The following ADAM12 variants were observed in gnomAD, a reference collection of about 807,000 sequenced individuals.
ADAM12 encodes the protein ADAM metallopeptidase domain 12.
A neutral mutation model predicts 106.4 loss-of-function variants in ADAM12; 70 were observed. The ratio of observed to expected loss-of-function variants is 0.66; its 90% confidence interval spans 0.54 to 0.80. ADAM12 has a LOEUF of 0.80. Ranked by LOEUF, ADAM12 falls within the 30% of genes least tolerant of loss-of-function variation. ADAM12 has a pLI of 0.00. For synonymous variants in ADAM12, 420 were observed against 433.5 expected (o/e 0.97, Z 0.39); for missense variants, 1,010 against 1,171.9 (o/e 0.86, Z 2.02).
intron 3 of ADAM12, among the ~76,000 whole-genome samples, chr10:126,263,625 G>A (rs1437286087): frequency 3.3e-5 from 5 of 152,104 alleles, no homozygotes; most frequent in Non-Finnish European, 7.4e-5. Context: ...GGAGGGGGGT[G>A]TATTTTACAC....
intron 3 of ADAM12, among the ~76,000 whole-genome samples, chr10:126,176,948 G>C (rs1957229591): frequency 6.6e-6 from 1 of 152,148 alleles, no homozygotes; most frequent in African/African-American, 2.4e-5. Flanking sequence ...ATTTGAAAAA[G>C]AGCTGCCCTG....
intron 8 of ADAM12, among the ~76,000 whole-genome samples, chr10:126,107,826 C>A (rs965145731): frequency 6.6e-6 from 1 of 152,140 alleles, no homozygotes; most frequent in South Asian, 2.1e-4. Context: ...CTCCAATATG[C>A]GGGGCTTGTG....
rs370437694 is a variant in ADAM12, at chr10:126,049,318, A to G, written c.1852T>C (p.Tyr618His). 4.2e-5 allele frequency: 67 copies of G among 1,614,112 alleles called. No individual in the cohort carries two copies. The highest frequency in any genetic ancestry group is 6.7e-5 in the African/African-American group (5 of 74,942). Residue 618 changes from tyrosine to histidine, a missense_variant, in exon 16 of 23, where the codon TAC becomes CAC. Physicochemically the swap from Tyr to His is moderately conservative, Grantham distance 83 (BLOSUM62 2). Around this residue, in one of 3 missense-constraint regions of ADAM12, gnomAD observed 615 missense variants for 708.5 expected, o/e 0.87. Transcript: ENST00000448723. The surrounding 1 kb of genome is among the most constrained non-coding windows in gnomAD (Gnocchi z 4.4). ...GGGTCCGGCATGTCATCGCCCAAGTACACGTGGGTCCCCCGGCACAGAATC... is the reference window on the plus strand; with the variant it reads ...GGGTCCGGCATGTCATCGCCCAAGTGCACGTGGGTCCCCCGGCACAGAATC... ...GRILCRGTHV[Y>H]LGDDMPDPGL...
rs117279891 is a variant in ADAM12 at position 126,354,176 on chromosome 10, G to T, written c.89-23667C>A. On this transcript the variant is annotated intron_variant, in intron 1 of 22. Transcript: ENST00000448723. ...TTTGGACAAGTAATTTGGCCTTCCA[G>T]ATTTGCCTTCCTCATCTGAAAAGTG... is the stretch of plus-strand genomic sequence containing the variant. Among the ~76,000 whole-genome samples, 99 of 152,120 alleles carry T rather than the reference G, an allele frequency of 6.5e-4. 1 individual carries two copies. The South Asian group carries it at 0.015, about 23-fold the overall frequency.
intron 6 of ADAM12, among the ~76,000 whole-genome samples, chr10:126,114,920 C>T (rs1218632308): frequency 6.6e-6 from 1 of 152,172 alleles, no homozygotes; most frequent in Non-Finnish European, 1.5e-5. Flanking sequence ...TCCTGATATT[C>T]AACTCTCATT....
intron 3 of ADAM12, among the ~76,000 whole-genome samples, chr10:126,194,123 A>T (rs574348197): frequency 6.6e-6 from 1 of 152,052 alleles, no homozygotes; most frequent in South Asian, 2.1e-4. Flanking sequence ...TATTAGGAGA[A>T]GATAATCAAA....
At chr10:126,318,860 C>G (rs756867538) in intron 2 of ADAM12, among the ~76,000 whole-genome samples, 3 of 152,132 alleles carry the variant, frequency 2.0e-5, no homozygotes, top group Non-Finnish European at 2.9e-5. Flanking sequence ...ACAATCATGG[C>G]AGAAGGCGAA....
intron 5 of ADAM12, among the ~76,000 whole-genome samples, chr10:126,128,110 T>A (rs948796605): frequency 6.6e-6 from 1 of 152,128 alleles, no homozygotes; most frequent in African/African-American, 2.4e-5. Context: ...TGAGAGGCCA[T>A]GAGGAAGTCA....
At chr10:126,386,550 A>G (rs11244975) in intron 1 of ADAM12, among the ~76,000 whole-genome samples, 8,763 of 152,214 alleles carry the variant, frequency 0.058, 346 homozygotes, top group East Asian at 0.16. Flanking sequence ...TTTGGGTCAT[A>G]TCTGTCTTAA....
intron 3 of ADAM12, among the ~76,000 whole-genome samples, chr10:126,226,520 G>A (rs954600487): frequency 3.9e-5 from 6 of 152,214 alleles, no homozygotes; most frequent in South Asian, 2.1e-4. Context: ...TTGGGCTGTC[G>A]ACTCTGACGG....
intron 6 of ADAM12, among the ~76,000 whole-genome samples, chr10:126,112,084 G>A (rs570361577): frequency 2.6e-5 from 4 of 152,098 alleles, no homozygotes; most frequent in African/African-American, 9.7e-5. Flanking sequence ...GAATGAGATC[G>A]TGTCCTTTGC....
intron 3 of ADAM12, among the ~76,000 whole-genome samples, chr10:126,161,437 T>A (rs1676736): frequency 6.6e-6 from 1 of 152,070 alleles, no homozygotes; most frequent in Non-Finnish European, 1.5e-5. Flanking sequence ...TTAACCACTG[T>A]GTGGCGCTAC....
intron 4 of ADAM12, among the ~76,000 whole-genome samples, chr10:126,140,032 G>A (rs1242252611): frequency 6.6e-6 from 1 of 152,170 alleles, no homozygotes; most frequent in African/African-American, 2.4e-5. Flanking sequence ...CCCTGGTAGG[G>A]ATTTTAGCCC....
At chr10:126,241,156 T>C (rs1256054693) in intron 3 of ADAM12, among the ~76,000 whole-genome samples, 3 of 152,188 alleles carry the variant, frequency 2.0e-5, no homozygotes, top group Non-Finnish European at 4.4e-5. Context: ...GGACACCAGA[T>C]GTCTAAAATA....
chr10:126,162,301 T>C (rs1370106627), intron 3 of ADAM12, among the ~76,000 whole-genome samples: 1 of 151,432 alleles, frequency 6.6e-6, no homozygotes, highest in East Asian at 1.9e-4. Flanking sequence ...AGGAGAGGAA[T>C]GGGAAATGGG....
intron 12 of ADAM12, among the ~76,000 whole-genome samples, chr10:126,068,108 T>C (rs934241803): frequency 6.6e-6 from 1 of 152,204 alleles, no homozygotes; most frequent in Admixed American, 6.5e-5. Flanking sequence ...AAGATAAAAC[T>C]GTCAACCAGA....
At chr10:126,278,399 C>T (rs1959381806) in intron 3 of ADAM12, among the ~76,000 whole-genome samples, 1 of 151,986 alleles carries the variant, frequency 6.6e-6, no homozygotes, top group African/African-American at 2.4e-5. Flanking sequence ...AGCCATAATG[C>T]CATTTTCTGG....
intron 2 of ADAM12, among the ~76,000 whole-genome samples, chr10:126,310,158 CAA>C (rs35363888): frequency 0.013 from 1,285 of 100,476 alleles, 8 homozygotes; most frequent in African/African-American, 0.041. Context: ...GACTCTGTCT[CAA>C]AAAAAAAAAA....
intron 3 of ADAM12, among the ~76,000 whole-genome samples, chr10:126,204,604 A>G (rs1453598536): frequency 2.0e-5 from 3 of 152,216 alleles, no homozygotes; most frequent in Non-Finnish European, 4.4e-5. Flanking sequence ...GTCTATGAGT[A>G]ACTCAAGAGA....
Sources: allele counts gnomAD v4.1 joint callset (sites outside exome capture counted in the v4.1 genomes callset), GRCh38; gene constraint gnomAD v4.1.1; regional missense constraint gnomAD v4.1.1; non-coding constraint Gnocchi (gnomAD v3.1); transcripts MANE v1.5; gene names NCBI Gene and HGNC (gene_info 2026-07-23, HGNC 2026-07-21).